Variants in PPM1B observed in about 807,000 individuals in gnomAD.
PPM1B encodes protein phosphatase, Mg2+/Mn2+ dependent 1B, also known as protein phosphatase 1B.
PPM1B carries 22 observed loss-of-function variants against 43.0 expected under a neutral mutation model. The observed-to-expected ratio is 0.51, with a 90% CI of 0.37 to 0.73. The LOEUF (loss-of-function observed/expected upper bound fraction) is 0.73. Among genes scored for constraint, PPM1B ranks in the 30% least tolerant of loss-of-function variants. The pLI, the probability that PPM1B is intolerant of heterozygous loss-of-function variation, is 0.00. For missense variants in PPM1B, 632 were observed against 584.2 expected (o/e 1.08, Z -0.84); for synonymous variants, 217 against 197.9 (o/e 1.10, Z -0.81).
intron 5 of PPM1B, among the ~76,000 whole-genome samples, chr2:44,227,550 C>G (rs534191569): frequency 9.7e-5 from 14 of 143,902 alleles, no homozygotes; most frequent in African/African-American, 3.3e-4. Flanking sequence ...TGGAGTCTTG[C>G]TCTGTCGCCT....
chr2:44,192,288 G>T (rs557092944), intron 1 of PPM1B, among the ~76,000 whole-genome samples: 1 of 152,010 alleles, frequency 6.6e-6, no homozygotes, highest in Admixed American at 6.6e-5. Context: ...CACGATCTCG[G>T]CTCACTGCAA....
At chr2:44,204,646 C>G (rs1669082292) in intron 2 of PPM1B, among the ~76,000 whole-genome samples, 2 of 151,942 alleles carry the variant, frequency 1.3e-5, no homozygotes, top group South Asian at 4.2e-4. Context: ...ATGACGAGGT[C>G]AGGAGATCGA....
intron 5 of PPM1B, among the ~76,000 whole-genome samples, chr2:44,226,726 G>A (rs538422407): frequency 7.6e-6 from 1 of 131,926 alleles, no homozygotes; most frequent in African/African-American, 2.8e-5. Context: ...TAAAATGGTA[G>A]GTTTTTATCT....
intron 5 of PPM1B, among the ~76,000 whole-genome samples, chr2:44,226,735 CTTTTTTTTTTTT>C (rs60750702): frequency 1.5e-5 from 1 of 66,692 alleles, no homozygotes; most frequent in Non-Finnish European, 2.6e-5. Flanking sequence ...AGGTTTTTAT[CTTTTTTTTTTTT>C]TTTTTTTTTT....
intron 4 of PPM1B, 30 bp downstream of exon 4, chr2:44,218,108 T>G (rs775923829): frequency 6.9e-7 from 1 of 1,459,778 alleles, no homozygotes; most frequent in Non-Finnish European, 9.6e-7. Flanking sequence ...AATTTTGAGT[T>G]CGTTCATAAT....
chr2:44,208,947 T>C (rs1390700922), intron 2 of PPM1B, among the ~76,000 whole-genome samples: 1 of 152,212 alleles, frequency 6.6e-6, no homozygotes, highest in Non-Finnish European at 1.5e-5. Flanking sequence ...ATTGAAGATA[T>C]CTTCATTTCT....
At chr2:44,190,279 C>T (rs1000341596) in intron 1 of PPM1B, among the ~76,000 whole-genome samples, 3 of 151,502 alleles carry the variant, frequency 2.0e-5, no homozygotes, top group South Asian at 2.1e-4. Context: ...CTCAGCCTCT[C>T]GAGTAGCTGG....
At chr2:44,244,838 T>C (rs186021815), downstream of PPM1B, among the ~76,000 whole-genome samples, 95 of 144,544 alleles carry the variant, frequency 6.6e-4, no homozygotes, top group East Asian at 8.0e-4. Context: ...TATATATATA[T>C]ACACACACAC....
chr2:44,212,160 TATC>T (rs1264320225), intron 3 of PPM1B, among the ~76,000 whole-genome samples: 7 of 152,234 alleles, frequency 4.6e-5, no homozygotes, highest in Non-Finnish European at 1.0e-4. Flanking sequence ...TTCATTGTAT[TATC>T]AACTGTTTCA....
chr2:44,208,935 G>A (rs1572726121), intron 2 of PPM1B, among the ~76,000 whole-genome samples: 2 of 152,278 alleles, frequency 1.3e-5, no homozygotes, highest in Middle Eastern at 3.4e-3. Flanking sequence ...GATTTAATAT[G>A]TATTGAAGAT....
intron 1 of PPM1B, among the ~76,000 whole-genome samples, chr2:44,190,896 A>G (rs1668376440): frequency 6.6e-6 from 1 of 152,222 alleles, no homozygotes. Context: ...TTACTGAGAC[A>G]TGAACTGTTG....
At chr2:44,197,396 G>A (rs1668714748) in intron 1 of PPM1B, among the ~76,000 whole-genome samples, 1 of 152,154 alleles carries the variant, frequency 6.6e-6, no homozygotes, top group African/African-American at 2.4e-5. Flanking sequence ...TGAGATTACA[G>A]GCATGAGCTA....
Position 44,241,857 on chromosome 2 carries a change from C to CTTTTTTTTTTTT in PPM1B, n.1547-2363_1547-2352dup, listed in dbSNP as rs397984437. 2.6e-3 allele frequency among the ~76,000 whole-genome samples: 232 copies of CTTTTTTTTTTTT among 90,944 alleles called. 23 individuals carry two copies. The highest frequency in any genetic ancestry group is 3.7e-3 in the African/African-American group (82 of 21,996). The allele number at this position is 90,944 out of a possible 152,430, so 59.7% of individuals were successfully genotyped here. On this transcript the variant is annotated intron_variant and non_coding_transcript_variant, in intron 5 of 5. Transcript: ENST00000378540. ...GTTATAATAAGTATTAGAAAATAAT[C>CTTTTTTTTTTTT]TTTTTTTTTTTTTTTTTTTGAGACG... is the stretch of plus-strand genomic sequence containing the variant.
At chr2:44,233,340 A>G (rs1293253019), downstream of PPM1B, 1 of 982,224 alleles carries the variant, frequency 1.0e-6, no homozygotes, top group Non-Finnish European at 1.2e-6. Context: ...GTAACTTTTC[A>G]TTTTATAACA....
intron 5 of PPM1B, chr2:44,230,073 C>A: frequency 1.3e-6 from 2 of 1,541,630 alleles, no homozygotes; most frequent in Middle Eastern, 1.7e-4. Flanking sequence ...TTCTTTTGTA[C>A]TAAATCATAT....
Position 44,201,055 on chromosome 2 carries a change from T to C in PPM1B, c.-14-131T>C, listed in dbSNP as rs1291873352. 1 of 966,084 alleles carries C rather than the reference T, an allele frequency of 1.0e-6. No individual in the cohort carries two copies. Among genetic ancestry groups the C allele is most frequent in the Admixed American group, 3.2e-5 (1 of 31,556 alleles). The allele number at this position is 966,084 out of a possible 1,614,324, so 59.8% of individuals were successfully genotyped here. On this transcript the variant is annotated intron_variant, in intron 1 of 5. Coordinates refer to ENST00000282412, the MANE Select transcript of PPM1B (RefSeq NM_002706.6). This position sits in a 1 kb window ranked among gnomAD's most constrained non-coding sequence, Gnocchi z 5.4. ...GGGGAGGAAATTTCTTGGGCTTTTG[T>C]TGTTGCTCCCGTAAATTAGGATAAT...
rs988683965 is a variant in PPM1B at position 44,231,105 on chromosome 2, C to G, written c.*387C>G. 1.3e-5 allele frequency: 12 copies of G among 914,890 alleles called. No individual in the cohort carries two copies. Among genetic ancestry groups the G allele is most frequent in the African/African-American group, 1.8e-5 (1 of 55,562 alleles). The allele number at this position is 914,890 out of a possible 1,614,324, so 56.7% of individuals were successfully genotyped here. ...TCATATTATTTTACCTATTAGTACA[C>G]TCATAGTTAGCTTTGTAATAAATTT... On this transcript the variant is annotated 3_prime_UTR_variant, in exon 6 of 6. Coordinates refer to ENST00000282412, the MANE Select transcript of PPM1B (RefSeq NM_002706.6).
At chr2:44,200,682 A>G (rs767704017) in intron 1 of PPM1B, among the ~76,000 whole-genome samples, 1 of 152,152 alleles carries the variant, frequency 6.6e-6, no homozygotes, top group Non-Finnish European at 1.5e-5. Flanking sequence ...TGATTTCAAT[A>G]CTTGCTTTTG....
At chr2:44,173,916 T>C (rs6739278) in intron 1 of PPM1B, among the ~76,000 whole-genome samples, 122,033 of 152,224 alleles carry the variant, frequency 0.8, 49,047 homozygotes, top group South Asian at 0.9. Flanking sequence ...GCACTCCAGA[T>C]TGGGCGAAAG....
Sources: gnomAD v4.1 joint callset for allele counts (sites outside exome capture counted in the v4.1 genomes callset) on GRCh38, gnomAD v4.1.1 for gene constraint, Gnocchi (gnomAD v3.1) non-coding constraint, MANE v1.5 for transcripts, NCBI Gene and HGNC (gene_info 2026-07-23, HGNC 2026-07-21) for gene names.